Variants in DDX52 observed in about 807,000 individuals in gnomAD.
DDX52 encodes DExD-box helicase 52, also known as probable ATP-dependent RNA helicase DDX52.
Under a neutral mutation model 76.1 loss-of-function variants are expected in DDX52, and 59 were observed. The observed-to-expected ratio is 0.78, with a 90% confidence interval of 0.63 to 0.96. The LOEUF (loss-of-function observed/expected upper bound fraction) is 0.96. Ranked by LOEUF, DDX52 falls within the 40% of genes least tolerant of loss-of-function variation. The pLI is 0.00. For synonymous variants in DDX52, 231 were observed against 244.1 expected (o/e 0.95, Z 0.50); for missense variants, 707 against 703.9 (o/e 1.00, Z -0.05).
intron 2 of DDX52, among the ~76,000 whole-genome samples, chr17:37,637,006 C>T (rs1246231534): frequency 6.6e-6 from 1 of 152,108 alleles, no homozygotes; most frequent in African/African-American, 2.4e-5. Flanking sequence ...GTTCTGTCAG[C>T]CAGGCTAGAG....
rs1438908760 is a variant in DDX52, at chr17:37,612,046, TAA to T, written c.*2248_*2249del. ...ATTTATTGAAGAAAAAATATATATCTAATATATATAATACATAATATATATAA... is the reference window on the plus strand; with the variant it reads ...ATTTATTGAAGAAAAAATATATATCTTATATATAATACATAATATATATAA... On this transcript the variant is annotated 3_prime_UTR_variant, in exon 15 of 15. Transcript: ENST00000617633. 2 of 149,180 alleles carry T rather than the reference TAA, an allele frequency of 1.3e-5. No individual in the cohort carries two copies. Among genetic ancestry groups the T allele is most frequent in the Non-Finnish European group, 3.0e-5 (2 of 67,468 alleles). The allele number at this position is 149,180 out of a possible 1,614,324, so 9.2% of individuals were successfully genotyped here. A position where few individuals can be genotyped will look rare whatever the true frequency, so the allele number is the denominator to read the frequency against.
At chr17:37,636,341 C>T (rs1399595201) in intron 2 of DDX52, among the ~76,000 whole-genome samples, 1 of 152,138 alleles carries the variant, frequency 6.6e-6, no homozygotes, top group Non-Finnish European at 1.5e-5. Flanking sequence ...ACTTTCTTTT[C>T]CCCGCTGAAT....
intron 2 of DDX52, among the ~76,000 whole-genome samples, chr17:37,639,903 G>T (rs563279927): frequency 6.6e-6 from 1 of 151,750 alleles, no homozygotes; most frequent in East Asian, 1.9e-4. Flanking sequence ...TATTGGTAAA[G>T]GTTTTATCAA....
At chr17:37,634,491 CA>C (rs2030837314) in intron 2 of DDX52, among the ~76,000 whole-genome samples, 3 of 151,470 alleles carry the variant, frequency 2.0e-5, no homozygotes, top group Non-Finnish European at 2.9e-5. Context: ...ATTAGCCAGG[CA>C]TGATGGCAGG....
chr17:37,630,127 A>G lies in DDX52; in HGVS notation c.650T>C (p.Leu217Ser), dbSNP rs1449619141. Reference protein sequence around the residue: ...ASAPTGSGKTLAFSIPILMQL... With the variant: ...ASAPTGSGKTSAFSIPILMQL... ...CATTAAAATAGGAATGCTAAAAGCT[A>G]ATGTTTTTCCAGATCCAGTTGGAGC... The change falls in exon 5 of 15, where the codon TTA becomes TCA. Residue 217 changes from leucine to serine, a missense_variant. Leu to Ser is a moderately radical substitution (Grantham distance 145, BLOSUM62 -2). Coordinates refer to ENST00000617633, the MANE Select transcript of DDX52 (RefSeq NM_007010.5). 3.1e-6 allele frequency: 5 copies of G among 1,613,820 alleles called. No homozygotes were observed. Among genetic ancestry groups the G allele is most frequent in the Non-Finnish European group, 4.2e-6 (5 of 1,179,978 alleles).
At position 37,639,485 on chromosome 17, in the gene DDX52, C is replaced by G. The variant is rs1290927466; in HGVS notation, c.286+2625G>C. 3 of 996,940 alleles carry G rather than the reference C, an allele frequency of 3.0e-6. No homozygotes were observed. The African/African-American group carries it at 5.2e-5, about 17-fold the overall frequency. 61.8% of individuals were successfully genotyped at this position (996,940 alleles called of 1,614,324 possible). A position where few individuals can be genotyped will look rare whatever the true frequency, so the allele number is the denominator to read the frequency against. ...GGGCGTGGTGGCTCACATCTGTAAT[C>G]CCAGCACTTTGGGAGCCCAAGGTGG... On this transcript the variant is annotated intron_variant, in intron 2 of 14. Transcript: ENST00000617633.
chr17:37,636,934 C>T (rs985001944), intron 2 of DDX52, among the ~76,000 whole-genome samples: 14 of 152,258 alleles, frequency 9.2e-5, no homozygotes, highest in Admixed American at 3.9e-4. Context: ...TGCTTGTAAT[C>T]CCAAATATAT....
chr17:37,621,151 A>C lies in DDX52; in HGVS notation c.1477T>G (p.Ser493Ala), dbSNP rs180970089. 5.8e-4 allele frequency: 933 copies of C among 1,612,308 alleles called. 5 individuals are homozygous for C. Among genetic ancestry groups the C allele is most frequent in the Non-Finnish European group, 4.6e-5 (54 of 1,179,480 alleles). Residue 493 changes from serine to alanine, a missense_variant, in exon 11 of 15, where the codon TCA becomes GCA. By Grantham distance (99) the Ser-to-Ala change is moderately conservative. Coordinates refer to ENST00000617633, the MANE Select transcript of DDX52 (RefSeq NM_007010.5). Reference protein sequence around the residue: ...LVINYDFPTSSVEYIHRIGRT... With the variant: ...LVINYDFPTSAVEYIHRIGRT... ...CCTATCCTGTGGATATATTCCACTG[A>C]GCTAGTTGGAAAGTCATAGTTGATC... is the stretch of plus-strand genomic sequence containing the variant.
At position 37,642,222 on chromosome 17, in the gene DDX52, C is replaced by G. The variant is rs778035860; in HGVS notation, c.174G>C (p.Val58=). ...TCTGATGTGTTTGTGATGCTCCACA[C>G]ACACCTGGGACAGACTTCTTGTTTC... ...FFGNKKSVPG[V]CGASQTHQKP... Residue 58 remains valine (V), a synonymous_variant, in exon 2 of 15, where the codon GTG becomes GTC. Coordinates refer to ENST00000617633, the MANE Select transcript of DDX52 (RefSeq NM_007010.5). 6.2e-7 allele frequency: 1 copy of G among 1,614,150 alleles called. No homozygotes were observed. The highest frequency in any genetic ancestry group is 1.1e-5 in the South Asian group (1 of 91,084).
intron 14 of DDX52, among the ~76,000 whole-genome samples, chr17:37,616,161 ATTTGT>A (rs1174271288): frequency 6.6e-6 from 1 of 152,204 alleles, no homozygotes; most frequent in Non-Finnish European, 1.5e-5. Flanking sequence ...AAAGGACTGC[ATTTGT>A]TATCTTGGCT....
intron 7 of DDX52, 117 bp downstream of exon 7, chr17:37,626,671 A>G: frequency 2.1e-6 from 2 of 956,632 alleles, no homozygotes; most frequent in Admixed American, 4.6e-5. Context: ...CAGTGCCAAC[A>G]CTGACTGAAG....
At chr17:37,624,188 T>C (rs2030244915) in intron 9 of DDX52, 156 bp downstream of exon 9, 5 of 470,652 alleles carry the variant, frequency 1.1e-5, no homozygotes, top group Admixed American at 3.8e-5. Context: ...GATGATCATA[T>C]AGTTAGCACA....
At chr17:37,641,838 A>T (rs1386833496) in intron 2 of DDX52, among the ~76,000 whole-genome samples, 1 of 152,182 alleles carries the variant, frequency 6.6e-6, no homozygotes, top group Non-Finnish European at 1.5e-5. Flanking sequence ...TTTTTCAGAG[A>T]AAGGGTACAT....
chr17:37,628,561 C>A lies in DDX52; in HGVS notation c.859G>T (p.Asp287Tyr). 6.2e-7 allele frequency: 1 copy of A among 1,610,578 alleles called. No homozygotes were observed. Among genetic ancestry groups the A allele is most frequent in the East Asian group, 2.2e-5 (1 of 44,836 alleles). The change falls in exon 6 of 15, where the codon GAT (aspartate) becomes TAT (tyrosine). Residue 287 changes from aspartate (D) to tyrosine (Y), a missense_variant and splice_region_variant. By Grantham distance (160) the Asp-to-Tyr change is radical (BLOSUM62 -3). Transcript: ENST00000617633. Reference sequence around the variant, plus strand: ...TACATCCCATGTATGAATTCCTTACCAAACTTTTTAGATGATTTAGGTCCA... The same window carrying A: ...TACATCCCATGTATGAATTCCTTACAAAACTTTTTAGATGATTTAGGTCCA... ...KFGPKSSKKF[D>Y]ILVTTPNRLI...
At chr17:37,639,088 C>T (rs1355334998) in intron 2 of DDX52, among the ~76,000 whole-genome samples, 2 of 151,774 alleles carry the variant, frequency 1.3e-5, no homozygotes, top group African/African-American at 2.4e-5. Flanking sequence ...TTTAAAAAAA[C>T]GTAATGCGCA....
intron 4 of DDX52, among the ~76,000 whole-genome samples, chr17:37,630,558 C>T (rs928938294): frequency 2.0e-5 from 3 of 150,218 alleles, no homozygotes; most frequent in African/African-American, 7.4e-5. Context: ...TATTGAACAA[C>T]AAAATGGCTG....
In DDX52 at chr17:37,611,315, GTGTT is replaced by G. The variant is rs1404875399; in HGVS notation, c.*2977_*2980del. 2 of 152,148 alleles carry G rather than the reference GTGTT, an allele frequency of 1.3e-5. No individual in the cohort carries two copies. Among genetic ancestry groups the G allele is most frequent in the Admixed American group, 6.5e-5 (1 of 15,272 alleles). 9.4% of individuals were successfully genotyped at this position (152,148 alleles called of 1,614,324 possible). A position where few individuals can be genotyped will look rare whatever the true frequency, so the allele number is the denominator to read the frequency against. ...CTTTTGTATGCCTAGCATAATGTGTGTGTTTGTGCCATGGTTTTTAACAAAAAAG... is the reference window on the plus strand; with the variant it reads ...CTTTTGTATGCCTAGCATAATGTGTGTGTGCCATGGTTTTTAACAAAAAAG... On this transcript the variant is annotated 3_prime_UTR_variant, in exon 15 of 15. Coordinates refer to ENST00000617633, the MANE Select transcript of DDX52 (RefSeq NM_007010.5).
rs1349526367 is a variant in DDX52, at chr17:37,633,429, T to C, written c.287-11A>G. ...CTTGGGAAGCAATTTCTAAAATATA[T>C]TTTTAAAAAGTAAAAGATTTTAACA... On this transcript the variant is annotated splice_polypyrimidine_tract_variant and intron_variant, in intron 2 of 14. Coordinates refer to ENST00000617633, the MANE Select transcript of DDX52 (RefSeq NM_007010.5). 6 of 1,546,742 alleles carry C rather than the reference T, an allele frequency of 3.9e-6. No homozygotes were observed.
chr17:37,634,480 A>G (rs1290553320), intron 2 of DDX52, among the ~76,000 whole-genome samples: 1 of 151,482 alleles, frequency 6.6e-6, no homozygotes, highest in Non-Finnish European at 1.5e-5. Flanking sequence ...AAAATACACA[A>G]ATTAGCCAGG....
Sources: gnomAD v4.1 joint callset for allele counts (sites outside exome capture counted in the v4.1 genomes callset) on GRCh38, gnomAD v4.1.1 for gene constraint, MANE v1.5 for transcripts, NCBI Gene and HGNC (gene_info 2026-07-23, HGNC 2026-07-21) for gene names.